Variants in AGPAT3 observed in about 807,000 individuals in gnomAD.
The protein encoded by AGPAT3 is 1-acylglycerol-3-phosphate O-acyltransferase 3, also known as 1-acyl-sn-glycerol-3-phosphate acyltransferase gamma.
A neutral mutation model predicts 47.3 loss-of-function variants in AGPAT3; 5 were observed. The ratio of observed to expected loss-of-function variants is 0.11; its 90% CI spans 0.06 to 0.22. The LOEUF is 0.22. Among genes scored for constraint, AGPAT3 ranks in the 10% least tolerant of loss-of-function variants. The probability of loss-of-function intolerance (pLI) is 1.00; values close to 1 mark genes in which losing one functional copy is unlikely to be tolerated. For synonymous variants in AGPAT3, 212 were observed against 208.3 expected (o/e 1.02, Z -0.15); for missense variants, 315 against 493.0 (o/e 0.64, Z 3.42).
At chr21:43,900,445 CAGT>C (rs774544218) in intron 1 of AGPAT3, among the ~76,000 whole-genome samples, 2 of 152,162 alleles carry the variant, frequency 1.3e-5, no homozygotes, top group Non-Finnish European at 2.9e-5. Flanking sequence ...AGTGAGGCCT[CAGT>C]AGCCCAGCGT....
chr21:43,975,297 G>T (rs1171616312), intron 7 of AGPAT3, among the ~76,000 whole-genome samples: 1 of 149,448 alleles, frequency 6.7e-6, no homozygotes, highest in African/African-American at 2.5e-5. Context: ...GTTTTGGTGT[G>T]TGCTGGCATG....
At chr21:43,877,104 T>C (rs926483739) in intron 1 of AGPAT3, among the ~76,000 whole-genome samples, 2 of 152,126 alleles carry the variant, frequency 1.3e-5, no homozygotes, top group African/African-American at 4.8e-5. Flanking sequence ...GGGGATCCGC[T>C]TGCCTTGGCC....
rs767608918 is a variant in AGPAT3 at position 43,959,734 on chromosome 21, G to A, written c.53G>A (p.Gly18Asp). ...CAGTTCGTGCTGCACCTGCTGGTCG[G>A]CTTTGTCTTCGTGGTGAGTGGTCTG... ...KTQFVLHLLV[G>D]FVFVVSGLVI... The change falls in exon 3 of 10, where the codon GGC becomes GAC. Residue 18 changes from glycine to aspartate, a missense_variant. Coordinates refer to ENST00000291572, the MANE Select transcript of AGPAT3 (RefSeq NM_020132.5). 2 of 1,613,844 alleles carry A rather than the reference G, an allele frequency of 1.2e-6. No individual in the cohort carries two copies. The highest frequency in any genetic ancestry group is 1.7e-6 in the Non-Finnish European group (2 of 1,179,956).
At chr21:43,960,635 C>A (rs2088785522) in intron 3 of AGPAT3, 1 of 474,728 alleles carries the variant, frequency 2.1e-6, no homozygotes, top group Non-Finnish European at 2.7e-6. Flanking sequence ...TTTATAGTAG[C>A]ACAAAACTAG....
intron 1 of AGPAT3, chr21:43,866,602 C>G (rs1364770032): frequency 1.3e-5 from 2 of 152,282 alleles, no homozygotes; most frequent in Non-Finnish European, 2.9e-5. Context: ...AACCAATCCT[C>G]CTCCCCCACA....
chr21:43,980,292 C>A (rs9978424), intron 8 of AGPAT3, among the ~76,000 whole-genome samples: 35,529 of 116,576 alleles, frequency 0.3, 5,304 homozygotes, highest in African/African-American at 0.35. Flanking sequence ...AAAAAAAAAA[C>A]AAAAAAAAAC....
chr21:43,980,945 G>GT, intron 8 of AGPAT3, 44 bp from the exon 9 acceptor site: 2 of 1,495,948 alleles, frequency 1.3e-6, no homozygotes, highest in Non-Finnish European at 1.8e-6. Context: ...ATAATAGCTT[G>GT]TAAAGAAGCC....
chr21:43,947,414 C>A (rs560050810), intron 2 of AGPAT3, among the ~76,000 whole-genome samples: 1 of 152,204 alleles, frequency 6.6e-6, no homozygotes, highest in East Asian at 1.9e-4. Context: ...CAGGGCTGCC[C>A]AAGCGGAGCT....
chr21:43,918,784 C>T (rs2086821759), intron 2 of AGPAT3, among the ~76,000 whole-genome samples: 1 of 152,166 alleles, frequency 6.6e-6, no homozygotes, highest in Admixed American at 6.5e-5. Flanking sequence ...ACCATGTTAG[C>T]CAGGCTGGTC....
intron 1 of AGPAT3, among the ~76,000 whole-genome samples, chr21:43,901,001 C>T (rs1264068992): frequency 6.6e-6 from 1 of 152,112 alleles, no homozygotes; most frequent in African/African-American, 2.4e-5. Flanking sequence ...AGAGGAAAAT[C>T]AATGGTTGGA....
intron 3 of AGPAT3, chr21:43,966,916 C>T (rs1318363419): frequency 6.6e-6 from 1 of 152,212 alleles, no homozygotes; most frequent in Non-Finnish European, 1.5e-5. Flanking sequence ...ACAAGAGGCC[C>T]ACCTGCTTGG....
At chr21:43,912,906 G>A (rs933532472) in intron 2 of AGPAT3, among the ~76,000 whole-genome samples, 7 of 152,216 alleles carry the variant, frequency 4.6e-5, no homozygotes, top group South Asian at 2.1e-4. Context: ...CGGTGCCTCC[G>A]GTGTTTGCCC....
At chr21:43,928,475 T>C (rs1319849388) in intron 2 of AGPAT3, among the ~76,000 whole-genome samples, 1 of 152,134 alleles carries the variant, frequency 6.6e-6, no homozygotes, top group Non-Finnish European at 1.5e-5. Flanking sequence ...AGCAGCACTC[T>C]GGAGGGTTCA....
At position 43,901,481 on chromosome 21, in the gene AGPAT3, G is replaced by A. The variant is rs917042644; in HGVS notation, c.-111-2476G>A. The stretch of plus-strand genomic sequence containing the variant: ...GATAAAAATAAAGAAAAAAATGGAA[G>A]ATATAAAAAAAAGACCTAGGGCCGG... On this transcript the variant is annotated intron_variant, in intron 1 of 9. Transcript: ENST00000291572. Among the ~76,000 whole-genome samples the A allele has an allele frequency of 2.0e-5, 3 of 150,806 alleles. No homozygotes were observed. The South Asian group carries it at 6.2e-4, about 31-fold the overall frequency.
intron 1 of AGPAT3, among the ~76,000 whole-genome samples, chr21:43,870,101 G>T (rs1239479577): frequency 1.3e-5 from 2 of 152,196 alleles, no homozygotes; most frequent in Admixed American, 6.5e-5. Flanking sequence ...CGGGATTTTG[G>T]ATTAGTTTTA....
At chr21:43,919,851 ATCT>A (rs1416688854) in intron 2 of AGPAT3, 1 of 152,226 alleles carries the variant, frequency 6.6e-6, no homozygotes, top group Non-Finnish European at 1.5e-5. Flanking sequence ...AGCCACGCTA[ATCT>A]TCTCTGCCTC....
chr21:43,935,433 C>T (rs921230348), intron 2 of AGPAT3, among the ~76,000 whole-genome samples: 1 of 152,240 alleles, frequency 6.6e-6, no homozygotes, highest in Non-Finnish European at 1.5e-5. Flanking sequence ...TGAAGCCGTT[C>T]AGGAGGAGGG....
rs2089392124 is a variant in AGPAT3, at chr21:43,971,497, C to T, written c.767+7C>T. On this transcript the variant is annotated splice_region_variant and intron_variant, in intron 7 of 9. Transcript: ENST00000291572. ...AGGCGGACATGTGCGTGAGGTGAGG[C>T]CAGACCCTGTGGCTCTCGCGCCGCC... 1 of 1,613,626 alleles carries T rather than the reference C, an allele frequency of 6.2e-7. No individual in the cohort carries two copies. The highest frequency in any genetic ancestry group is 8.5e-7 in the Non-Finnish European group (1 of 1,179,528).
At position 43,952,266 on chromosome 21, in the gene AGPAT3, G is replaced by A. The variant is rs1023667879; in HGVS notation, c.-48-7368G>A. On this transcript the variant is annotated intron_variant, in intron 2 of 9. Coordinates refer to ENST00000291572, the MANE Select transcript of AGPAT3 (RefSeq NM_020132.5). This position sits in a 1 kb window ranked among gnomAD's most constrained non-coding sequence, Gnocchi z 5.6. Reference sequence around the variant, plus strand: ...TCTCACCCGGGCTCTGACTGCAGGCGGTCTCCCTTTTTCATAAGGACACCG... The same window carrying A: ...TCTCACCCGGGCTCTGACTGCAGGCAGTCTCCCTTTTTCATAAGGACACCG... Among the ~76,000 whole-genome samples, 2 of 152,056 alleles carry A rather than the reference G, an allele frequency of 1.3e-5. No homozygotes were observed. The highest frequency in any genetic ancestry group is 1.9e-4 in the East Asian group (1 of 5,192).
Sources: allele counts gnomAD v4.1 joint callset (sites outside exome capture counted in the v4.1 genomes callset), GRCh38; gene constraint gnomAD v4.1.1; non-coding constraint Gnocchi (gnomAD v3.1); transcripts MANE v1.5; gene names NCBI Gene and HGNC (gene_info 2026-07-23, HGNC 2026-07-21).